MAD1L1: variants seen among roughly 807,000 people sequenced by gnomAD.
MAD1L1 encodes the protein mitotic spindle assembly checkpoint protein MAD1.
Under a neutral mutation model 96.9 loss-of-function variants are expected in MAD1L1, and 95 were observed. That is an observed-to-expected ratio of 0.98 (90% CI 0.83 to 1.16). The LOEUF (loss-of-function observed/expected upper bound fraction) is 1.16, where lower values mean the gene tolerates loss of function less well. MAD1L1 is among the 50% of genes most tolerant of loss of function. The probability of loss-of-function intolerance (pLI) is 0.00; values close to 1 mark genes in which losing one functional copy is unlikely to be tolerated. For missense variants in MAD1L1, 1,007 were observed against 954.4 expected (o/e 1.06, Z -0.73); for synonymous variants, 473 against 396.6 (o/e 1.19, Z -2.29).
At chr7:2,048,142 A>G (rs1351097679) in intron 12 of MAD1L1, among the ~76,000 whole-genome samples, 1 of 152,240 alleles carries the variant, frequency 6.6e-6, no homozygotes, top group Non-Finnish European at 1.5e-5. Context: ...ATGCATGCAC[A>G]CTGAGCACCG....
intron 18 of MAD1L1, among the ~76,000 whole-genome samples, chr7:1,834,682 C>CAA (rs886092920): frequency 3.9e-5 from 6 of 152,174 alleles, no homozygotes; most frequent in African/African-American, 1.4e-4. Context: ...TGAATTGGAT[C>CAA]AACTATTTAA....
chr7:2,052,675 C>T (rs772606741), intron 12 of MAD1L1, among the ~76,000 whole-genome samples: 7 of 152,196 alleles, frequency 4.6e-5, no homozygotes, highest in Non-Finnish European at 7.3e-5. Context: ...CAAATATGCA[C>T]GTATCAGTGT....
At chr7:2,069,002 G>C (rs2078782222) in intron 12 of MAD1L1, among the ~76,000 whole-genome samples, 192 bp downstream of exon 12, 1 of 152,222 alleles carries the variant, frequency 6.6e-6, no homozygotes, top group African/African-American at 2.4e-5. Flanking sequence ...AGCAGGCCCA[G>C]AGAGTCCCAC....
chr7:1,995,847 G>A (rs1161845268), intron 14 of MAD1L1, among the ~76,000 whole-genome samples: 1 of 152,192 alleles, frequency 6.6e-6, no homozygotes, highest in Non-Finnish European at 1.5e-5. Flanking sequence ...AGCATGCCAA[G>A]CACGAAGCAC....
rs145477365 is a variant in MAD1L1, at chr7:1,948,089, T to G, written c.1596+9540A>C. Reference sequence around the variant, plus strand: ...GCTCCCTTTCTGCAGAGCTGAGTGCTCCACCATGGGGAGTGAGTGTCCCGG... The same window carrying G: ...GCTCCCTTTCTGCAGAGCTGAGTGCGCCACCATGGGGAGTGAGTGTCCCGG... On this transcript the variant is annotated intron_variant, in intron 16 of 18. Transcript: ENST00000265854. Among the ~76,000 whole-genome samples the G allele has an allele frequency of 2.3e-3, 356 of 152,114 alleles. 1 individual carries two copies. The highest frequency in any genetic ancestry group is 8.2e-3 in the African/African-American group (340 of 41,516).
chr7:2,205,088 T>TC (rs1284801078), intron 10 of MAD1L1, among the ~76,000 whole-genome samples: 6 of 91,254 alleles, frequency 6.6e-5, no homozygotes, highest in Non-Finnish European at 1.2e-4. Context: ...TCTTTTCTTT[T>TC]TTTTTTTTTT....
chr7:2,222,667 G>GCTCCTGCATCTTCTCCTCCGCCCC lies in MAD1L1; in HGVS notation c.355_378dup (p.Gly119_Glu126dup). ...TGACACTGCCTGTTGCGCTCCAGCT[G>GCTCCTGCATCTTCTCCTCCGCCCC]CTCCTGCATCTTCTCCTCCGCCCCG... On this transcript the variant is annotated inframe_insertion, in exon 5 of 19. Transcript: ENST00000265854. The GCTCCTGCATCTTCTCCTCCGCCCC allele has an allele frequency of 6.2e-7, 1 of 1,613,088 alleles. No individual in the cohort carries two copies. Among genetic ancestry groups the GCTCCTGCATCTTCTCCTCCGCCCC allele is most frequent in the Non-Finnish European group, 8.5e-7 (1 of 1,179,886 alleles).
intron 11 of MAD1L1, among the ~76,000 whole-genome samples, chr7:2,127,779 T>C (rs1788303593): frequency 1.3e-5 from 2 of 151,992 alleles, no homozygotes; most frequent in South Asian, 4.2e-4. Flanking sequence ...GCCGGCACTG[T>C]GGGCGTCAGG....
At chr7:2,154,486 A>T (rs1000675926) in intron 10 of MAD1L1, among the ~76,000 whole-genome samples, 2 of 152,242 alleles carry the variant, frequency 1.3e-5, no homozygotes, top group Non-Finnish European at 2.9e-5. Flanking sequence ...GAAGAGAACC[A>T]GAATTTTTCC....
chr7:2,036,743 A>T (rs1277878109), intron 12 of MAD1L1, among the ~76,000 whole-genome samples: 3 of 152,134 alleles, frequency 2.0e-5, no homozygotes, highest in Non-Finnish European at 4.4e-5. Context: ...GCTCCTGATC[A>T]GAGGTGCTGT....
intron 17 of MAD1L1, among the ~76,000 whole-genome samples, chr7:1,932,013 G>A (rs1789508725): frequency 6.6e-6 from 1 of 152,214 alleles, no homozygotes; most frequent in African/African-American, 2.4e-5. Context: ...CCAGGGACCT[G>A]GGGACCAACG....
At chr7:2,061,714 G>A (rs190536791) in intron 12 of MAD1L1, among the ~76,000 whole-genome samples, 3 of 152,356 alleles carry the variant, frequency 2.0e-5, no homozygotes, top group Admixed American at 6.5e-5. Flanking sequence ...GTGTTAAAAC[G>A]TCCACGTCAG....
At chr7:2,162,609 A>G (rs1173660219) in intron 10 of MAD1L1, among the ~76,000 whole-genome samples, 1 of 151,848 alleles carries the variant, frequency 6.6e-6, no homozygotes, top group Non-Finnish European at 1.5e-5. Context: ...AAAACAAACA[A>G]AAAACCAACT....
At chr7:2,197,699 C>G (rs1279520786) in intron 10 of MAD1L1, among the ~76,000 whole-genome samples, 1 of 152,232 alleles carries the variant, frequency 6.6e-6, no homozygotes, top group East Asian at 1.9e-4. Context: ...TCTGGCTCTG[C>G]CACTCCCCTA....
Position 2,225,522 on chromosome 7 carries a change from G to A in MAD1L1, c.179C>T (p.Ser60Leu), listed in dbSNP as rs777745355. 25 of 1,613,814 alleles carry A rather than the reference G, an allele frequency of 1.5e-5. No individual in the cohort carries two copies. The highest frequency in any genetic ancestry group is 1.6e-4 in the Middle Eastern group (1 of 6,084). ...CTCCACCTGGATGAGGTGGGACTTC[G>A]AACGGATCTGCTCTGCTCTTTCCTC... ...QLEERAEQIR[S>L]KSHLIQVERE... Residue 60 changes from serine (S) to leucine (L), a missense_variant, in exon 4 of 19, where the codon TCG (serine) becomes TTG (leucine). By Grantham distance (145) the Ser-to-Leu change is moderately radical (BLOSUM62 -2). Transcript: ENST00000265854.
At chr7:2,047,958 GCA>G (rs1309009313) in intron 12 of MAD1L1, among the ~76,000 whole-genome samples, 5 of 152,112 alleles carry the variant, frequency 3.3e-5, no homozygotes, top group South Asian at 2.1e-4. Flanking sequence ...AAGCACACGT[GCA>G]CACTCACATG....
chr7:1,852,791 C>T lies in MAD1L1; in HGVS notation c.1999-36563G>A, dbSNP rs4605956. The stretch of plus-strand genomic sequence containing the variant: ...GCCTCCTGAGCCCACCCAGCCAAGA[C>T]GCCCTGCTGGGACCCTCGGGCTGCC... On this transcript the variant is annotated intron_variant, in intron 18 of 18. Coordinates refer to ENST00000265854, the MANE Select transcript of MAD1L1 (RefSeq NM_001013836.2). Among the ~76,000 whole-genome samples, 18 of 152,236 alleles carry T rather than the reference C, an allele frequency of 1.2e-4. No homozygotes were observed. In the East Asian group the frequency reaches 2.7e-3, roughly 23 times the overall value.
intron 10 of MAD1L1, among the ~76,000 whole-genome samples, chr7:2,190,459 T>C (rs1369557589): frequency 6.6e-6 from 1 of 151,954 alleles, no homozygotes; most frequent in Non-Finnish European, 1.5e-5. Context: ...GAAAATGAAT[T>C]GATAAATCAG....
chr7:1,886,533 C>T (rs762591031), intron 18 of MAD1L1, among the ~76,000 whole-genome samples: 8 of 152,210 alleles, frequency 5.3e-5, no homozygotes, highest in Non-Finnish European at 1.2e-4. Context: ...TGGGAGAGCA[C>T]GGTGGCACGG....
Sources: gnomAD v4.1 joint callset for allele counts (sites outside exome capture counted in the v4.1 genomes callset) on GRCh38, gnomAD v4.1.1 for gene constraint, MANE v1.5 for transcripts, NCBI Gene and HGNC (gene_info 2026-07-23, HGNC 2026-07-21) for gene names.